Variants in EPDR1 observed in about 807,000 individuals in gnomAD.
The protein encoded by EPDR1 is ependymin related 1.
Under a neutral mutation model 23.7 loss-of-function variants are expected in EPDR1, and 27 were observed. The observed-to-expected ratio is 1.14, with a 90% CI of 0.84 to 1.57. EPDR1 has a LOEUF of 1.57. EPDR1 is among the 40% of genes most tolerant of loss of function. The pLI is 0.00. For missense variants in EPDR1, 349 were observed against 290.4 expected (o/e 1.20, Z -1.47); for synonymous variants, 137 against 118.2 (o/e 1.16, Z -1.03).
intron 2 of EPDR1, 48 bp from the exon 3 acceptor site, chr7:37,950,151 CT>C: frequency 7.2e-7 from 1 of 1,384,652 alleles, no homozygotes; most frequent in Non-Finnish European, 1.0e-6. Context: ...AAAATATGAA[CT>C]TCTTGCCTGT....
intron 1 of EPDR1, among the ~76,000 whole-genome samples, chr7:37,942,468 G>A (rs944975390): frequency 6.6e-6 from 1 of 152,138 alleles, no homozygotes; most frequent in Non-Finnish European, 1.5e-5. Context: ...TTGTTTAATG[G>A]ATATAGAGTT....
intron 1 of EPDR1, among the ~76,000 whole-genome samples, chr7:37,924,537 G>C (rs1785778793): frequency 6.6e-6 from 1 of 152,184 alleles, no homozygotes; most frequent in Non-Finnish European, 1.5e-5. Context: ...TATACCTTTA[G>C]TGGAGTCACA....
intron 1 of EPDR1, among the ~76,000 whole-genome samples, chr7:37,931,899 A>G (rs187341726): frequency 0.01 from 1,556 of 152,136 alleles, 28 homozygotes; most frequent in African/African-American, 0.035. Context: ...TAGTAGAGAA[A>G]GGGTTTCACT....
intron 1 of EPDR1, among the ~76,000 whole-genome samples, chr7:37,947,316 C>G (rs1439029800): frequency 6.6e-6 from 1 of 152,206 alleles, no homozygotes; most frequent in Non-Finnish European, 1.5e-5. Context: ...GTAGGCCATA[C>G]TGTGTAGCCC....
At chr7:37,921,372 C>G in intron 1 of EPDR1, 164 bp downstream of exon 1, 3 of 1,403,716 alleles carry the variant, frequency 2.1e-6, no homozygotes, top group South Asian at 3.1e-5. Context: ...TAGCATGGTC[C>G]GGGACTGGGA....
chr7:37,936,003 T>C (rs1288626733), intron 1 of EPDR1, among the ~76,000 whole-genome samples: 4 of 65,444 alleles, frequency 6.1e-5, no homozygotes, highest in African/African-American at 3.0e-4. Context: ...CATATATATA[T>C]ATATATATAT....
chr7:37,949,520 A>G (rs1786352621), intron 2 of EPDR1, among the ~76,000 whole-genome samples: 1 of 152,158 alleles, frequency 6.6e-6, no homozygotes. Context: ...TTTTTACCAC[A>G]CAGGCATTCA....
intron 1 of EPDR1, among the ~76,000 whole-genome samples, chr7:37,942,127 T>C (rs926093978): frequency 6.6e-6 from 1 of 152,084 alleles, no homozygotes; most frequent in South Asian, 2.1e-4. Context: ...GTAAAATGAG[T>C]ATAGTACATA....
intron 1 of EPDR1, among the ~76,000 whole-genome samples, chr7:37,923,365 G>A (rs1476414785): frequency 2.0e-5 from 3 of 152,138 alleles, no homozygotes; most frequent in African/African-American, 7.2e-5. Flanking sequence ...ATGATTGGAC[G>A]GGTTGTGGCA....
At chr7:37,941,668 T>C (rs936234501) in intron 1 of EPDR1, among the ~76,000 whole-genome samples, 6 of 152,204 alleles carry the variant, frequency 3.9e-5, no homozygotes, top group African/African-American at 1.2e-4. Flanking sequence ...CAATGTCATG[T>C]TGGAAAATAA....
chr7:37,933,945 A>G (rs1785994924), intron 1 of EPDR1, among the ~76,000 whole-genome samples: 1 of 151,566 alleles, frequency 6.6e-6, no homozygotes, highest in Admixed American at 6.6e-5. Context: ...TCAAGACCCC[A>G]GGCTTATCTG....
At chr7:37,947,033 T>C (rs373390877) in intron 1 of EPDR1, among the ~76,000 whole-genome samples, 2 of 152,140 alleles carry the variant, frequency 1.3e-5, no homozygotes, top group Admixed American at 1.3e-4. Context: ...AAGTGTACAA[T>C]GTTTATAAAG....
At chr7:37,944,914 G>A (rs1159130900) in intron 1 of EPDR1, among the ~76,000 whole-genome samples, 2 of 152,204 alleles carry the variant, frequency 1.3e-5, no homozygotes, top group South Asian at 2.1e-4. Flanking sequence ...AGTCTGAGAA[G>A]CACACAACAG....
At chr7:37,940,802 T>C (rs1244199517) in intron 1 of EPDR1, among the ~76,000 whole-genome samples, 2 of 132,524 alleles carry the variant, frequency 1.5e-5, no homozygotes, top group Non-Finnish European at 3.4e-5. Context: ...TCGAGTTTTT[T>C]TTTTCTAATT....
intron 1 of EPDR1, among the ~76,000 whole-genome samples, chr7:37,923,930 A>G (rs1435673795): frequency 6.6e-6 from 1 of 152,246 alleles, no homozygotes; most frequent in African/African-American, 2.4e-5. Context: ...GGTTGGTCCC[A>G]TCGCTACCAC....
chr7:37,934,604 C>T (rs2132008492), intron 1 of EPDR1, among the ~76,000 whole-genome samples: 1 of 152,118 alleles, frequency 6.6e-6, no homozygotes, highest in Non-Finnish European at 1.5e-5. Context: ...CCATGGATTC[C>T]ATATCCATGG....
intron 1 of EPDR1, among the ~76,000 whole-genome samples, chr7:37,948,575 T>G (rs190253102): frequency 1.3e-5 from 2 of 152,236 alleles, no homozygotes; most frequent in Non-Finnish European, 2.9e-5. Context: ...CTCAAACTCC[T>G]GGGCTCAAAA....
At chr7:37,938,131 C>T (rs1254178451) in intron 1 of EPDR1, among the ~76,000 whole-genome samples, 2 of 151,552 alleles carry the variant, frequency 1.3e-5, no homozygotes, top group Admixed American at 6.6e-5. Context: ...GCTGGGACTA[C>T]AGGTGTCAGC....
intron 1 of EPDR1, chr7:37,921,434 C>A: frequency 7.2e-7 from 1 of 1,384,048 alleles, no homozygotes; most frequent in Non-Finnish European, 9.3e-7. Context: ...TCAGTAACAC[C>A]CAGCGAGGCG....
Sources: gnomAD v4.1 joint callset for allele counts (sites outside exome capture counted in the v4.1 genomes callset) on GRCh38, gnomAD v4.1.1 for gene constraint, MANE v1.5 for transcripts, NCBI Gene and HGNC (gene_info 2026-07-23, HGNC 2026-07-21) for gene names.